The following NSD1 variants were observed in gnomAD, a reference collection of about 807,000 sequenced individuals.
NSD1 encodes the protein nuclear receptor binding SET domain protein 1.
A neutral mutation model predicts 242.7 loss-of-function variants in NSD1; 26 were observed. That is an observed-to-expected ratio of 0.11 (90% CI 0.08 to 0.15). NSD1 has a LOEUF of 0.15. Among genes scored for constraint, NSD1 ranks in the 10% least tolerant of loss-of-function variants. The pLI, the probability that NSD1 is intolerant of heterozygous loss-of-function variation, is 1.00. For synonymous variants in NSD1, 1,106 were observed against 1,178.1 expected (o/e 0.94, Z 1.25); for missense variants, 2,495 against 3,272.8 (o/e 0.76, Z 5.80).
intron 2 of NSD1, among the ~76,000 whole-genome samples, chr5:177,145,152 C>G (rs1456178448): frequency 6.6e-6 from 1 of 150,792 alleles, no homozygotes; most frequent in Non-Finnish European, 1.5e-5. Context: ...TGTCAGTTTT[C>G]ATATACTCCC....
intron 11 of NSD1, among the ~76,000 whole-genome samples, chr5:177,248,526 C>T (rs1766478212): frequency 6.6e-6 from 1 of 152,090 alleles, no homozygotes; most frequent in African/African-American, 2.4e-5. Context: ...TGTTGGTGAA[C>T]CACGTGCCCT....
intron 5 of NSD1, among the ~76,000 whole-genome samples, chr5:177,226,388 GT>G (rs1173158384): frequency 6.6e-6 from 1 of 152,154 alleles, no homozygotes; most frequent in Admixed American, 6.5e-5. Flanking sequence ...CATTTAGTTT[GT>G]TTTCCAGTTT....
chr5:177,163,537 G>T (rs186555465), intron 2 of NSD1, among the ~76,000 whole-genome samples: 5 of 152,130 alleles, frequency 3.3e-5, no homozygotes, highest in South Asian at 2.1e-4. Context: ...CTTGAGTCCC[G>T]TGCTTGCCTT....
chr5:177,285,867 A>G (rs1759284747), intron 20 of NSD1, among the ~76,000 whole-genome samples: 1 of 152,186 alleles, frequency 6.6e-6, no homozygotes. Flanking sequence ...ATATTTGTTC[A>G]GATCTTAGTC....
intron 10 of NSD1, 115 bp from the exon 11 acceptor site, chr5:177,248,066 T>C (rs1766436561): frequency 6.5e-7 from 1 of 1,548,492 alleles, no homozygotes; most frequent in Non-Finnish European, 8.7e-7. Context: ...GCCCGAGTGA[T>C]TGGCTGAACA....
chr5:177,143,758 T>C (rs1034793519), intron 2 of NSD1, among the ~76,000 whole-genome samples: 1 of 151,730 alleles, frequency 6.6e-6, no homozygotes, highest in African/African-American at 2.4e-5. Flanking sequence ...CATTGGAGGG[T>C]TGTTAAGTCT....
intron 10 of NSD1, 87 bp downstream of exon 10, chr5:177,246,883 C>T (rs1581430564): frequency 1.1e-6 from 1 of 927,516 alleles, no homozygotes; most frequent in Non-Finnish European, 1.8e-6. Context: ...CTTGAGTTTT[C>T]TTAAGAATAC....
chr5:177,138,339 ACCT>A (rs912302129), intron 2 of NSD1, among the ~76,000 whole-genome samples: 2 of 150,780 alleles, frequency 1.3e-5, no homozygotes, highest in African/African-American at 4.9e-5. Flanking sequence ...CACTTCAACC[ACCT>A]CCTCCTGGGT....
At chr5:177,282,939 A>G (rs1436577358) in intron 19 of NSD1, among the ~76,000 whole-genome samples, 1 of 152,164 alleles carries the variant, frequency 6.6e-6, no homozygotes, top group Non-Finnish European at 1.5e-5. Flanking sequence ...TTTTACTGAT[A>G]AGATTATGTA....
intron 2 of NSD1, among the ~76,000 whole-genome samples, chr5:177,175,762 C>T (rs1036170661): frequency 2.0e-5 from 3 of 151,994 alleles, no homozygotes; most frequent in Admixed American, 6.6e-5. Flanking sequence ...AAAATAGTAA[C>T]ATCTAGAGTA....
In NSD1 at chr5:177,146,376, T is replaced by C. The variant is rs186362682; in HGVS notation, c.927+10346T>C. 7.2e-5 allele frequency among the ~76,000 whole-genome samples: 11 copies of C among 151,894 alleles called. No homozygotes were observed. In the East Asian group the frequency reaches 2.2e-3, roughly 30 times the overall value. The stretch of plus-strand genomic sequence containing the variant: ...GTGTGCTATGACGCCCAGCTAGTTT[T>C]TGTATTTTTAGTAGAGACGGTGTTT... On this transcript the variant is annotated intron_variant, in intron 2 of 22. Transcript: ENST00000439151.
intron 5 of NSD1, among the ~76,000 whole-genome samples, chr5:177,213,314 TTATCA>T (rs1157227120): frequency 2.6e-5 from 4 of 152,322 alleles, no homozygotes; most frequent in South Asian, 2.1e-4. Context: ...GAAAATGCAG[TTATCA>T]TATCATAAAA....
chr5:177,160,025 G>C (rs1359924384), intron 2 of NSD1, among the ~76,000 whole-genome samples: 1 of 152,056 alleles, frequency 6.6e-6, no homozygotes, highest in African/African-American at 2.4e-5. Context: ...GAGTACCTGG[G>C]ACCACAGGTG....
chr5:177,228,117 G>T (rs562229592), intron 5 of NSD1, among the ~76,000 whole-genome samples: 206 of 152,078 alleles, frequency 1.4e-3, no homozygotes, highest in African/African-American at 4.7e-3. Context: ...ATTTTTCACA[G>T]TGTCAATTAC....
rs34930823 is a variant in NSD1, at chr5:177,212,487, CT to C, written c.3796+306del. On this transcript the variant is annotated intron_variant, in intron 5 of 22. Coordinates refer to ENST00000439151, the MANE Select transcript of NSD1 (RefSeq NM_022455.5). ...TCTCTCTCTCTCTTTCTCTCTCTCT[CT>C]TTTTTTTTTTTTTCTAATTTTTTTT... 0.21 allele frequency among the ~76,000 whole-genome samples: 26,229 copies of C among 126,832 alleles called. 2,814 individuals are homozygous for C. Among genetic ancestry groups the C allele is most frequent in the Middle Eastern group, 0.37 (86 of 230 alleles). 83.2% of individuals were successfully genotyped at this position (126,832 alleles called of 152,430 possible).
chr5:177,286,583 C>T (rs997426573), intron 20 of NSD1, among the ~76,000 whole-genome samples: 21 of 152,210 alleles, frequency 1.4e-4, no homozygotes, highest in African/African-American at 4.8e-4. Flanking sequence ...ACCTATGTTA[C>T]TTTTATCCTT....
chr5:177,210,552 G>A lies in NSD1; in HGVS notation c.2153G>A (p.Ser718Asn), dbSNP rs781142476. 25 of 1,614,028 alleles carry A rather than the reference G, an allele frequency of 1.5e-5. No individual in the cohort carries two copies. The highest frequency in any genetic ancestry group is 1.9e-5 in the Non-Finnish European group (23 of 1,180,040). ...GACCACTTAATGGGTTGTACTAAGA[G>A]TGCAGAGCCTGGAACCGAGACGTCT... ...HTDHLMGCTK[S>N]AEPGTETSQV... The change falls in exon 5 of 23, where the codon AGT (serine) becomes AAT (asparagine). Residue 718 changes from serine (S) to asparagine (N), a missense_variant. Transcript: ENST00000439151.
rs567380116 is a variant in NSD1, at chr5:177,184,585, G to T, written c.928-7299G>T. Among the ~76,000 whole-genome samples the T allele has an allele frequency of 1.5e-3, 222 of 152,120 alleles. 1 individual carries two copies. Among genetic ancestry groups the T allele is most frequent in the African/African-American group, 5.3e-3 (220 of 41,498 alleles). On this transcript the variant is annotated intron_variant, in intron 2 of 22. Transcript: ENST00000439151. ...ACTCTGTCACTTAGGCTGGTGTGCA[G>T]TGGGGCAGTCATGGCTCAGTGCAGC...
intron 3 of NSD1, among the ~76,000 whole-genome samples, chr5:177,199,218 C>T (rs1762325326): frequency 6.6e-6 from 1 of 152,156 alleles, no homozygotes; most frequent in African/African-American, 2.4e-5. Flanking sequence ...GTGTTCTGAG[C>T]ATGTTTAGCG....
Sources: allele counts gnomAD v4.1 joint callset (sites outside exome capture counted in the v4.1 genomes callset), GRCh38; gene constraint gnomAD v4.1.1; transcripts MANE v1.5; gene names NCBI Gene and HGNC (gene_info 2026-07-23, HGNC 2026-07-21).